The following NUTF2 variants were observed in gnomAD, a reference collection of about 807,000 sequenced individuals.
NUTF2 encodes the protein nuclear transport factor 2.
Under a neutral mutation model 18.5 loss-of-function variants are expected in NUTF2, and 3 were observed. The ratio of observed to expected loss-of-function variants is 0.16; its 90% CI spans 0.07 to 0.42. NUTF2 has a LOEUF of 0.42. Among genes scored for constraint, NUTF2 ranks in the 10% least tolerant of loss-of-function variants. The pLI, the probability that NUTF2 is intolerant of heterozygous loss-of-function variation, is 0.99. For missense variants in NUTF2, 44 were observed against 160.7 expected (o/e 0.27, Z 3.93); for synonymous variants, 51 against 57.9 (o/e 0.88, Z 0.54).
chr16:67,859,795 CTTTTTTTTTTTT>C (rs34914554), intron 1 of NUTF2, among the ~76,000 whole-genome samples: 5 of 45,626 alleles, frequency 1.1e-4, no homozygotes, highest in Admixed American at 3.6e-4. Context: ...TGCGCCAGGC[CTTTTTTTTTTTT>C]TTTTTTTTTT....
chr16:67,855,504 G>C (rs2057889146), intron 1 of NUTF2, among the ~76,000 whole-genome samples: 1 of 152,180 alleles, frequency 6.6e-6, no homozygotes, highest in South Asian at 2.1e-4. Context: ...TGGGGATAGG[G>C]AACCCTTATT....
chr16:67,869,751 C>CT (rs1374986886), intron 4 of NUTF2, among the ~76,000 whole-genome samples: 1 of 152,168 alleles, frequency 6.6e-6, no homozygotes, highest in African/African-American at 2.4e-5. Flanking sequence ...CACCATTGCA[C>CT]TCTAGCCTGG....
intron 1 of NUTF2, among the ~76,000 whole-genome samples, chr16:67,864,441 G>A (rs1295918993): frequency 2.0e-5 from 3 of 151,500 alleles, no homozygotes; most frequent in South Asian, 2.1e-4. Context: ...CCCAGGGAGC[G>A]GAGGTTGCAG....
intron 1 of NUTF2, among the ~76,000 whole-genome samples, chr16:67,848,033 A>G (rs971243918): frequency 6.6e-6 from 1 of 152,142 alleles, no homozygotes; most frequent in Non-Finnish European, 1.5e-5. Context: ...CTTCCCAACA[A>G]CTGGAGCTGC....
intron 4 of NUTF2, 93 bp downstream of exon 4, chr16:67,868,692 G>A: frequency 8.6e-7 from 1 of 1,165,722 alleles, no homozygotes; most frequent in Non-Finnish European, 1.3e-6. Flanking sequence ...TGCTTATCTA[G>A]GGACACCCAG....
chr16:67,865,241 G>C lies in NUTF2; in HGVS notation c.99+12G>C, dbSNP rs748399542. 1.6e-5 allele frequency: 25 copies of C among 1,587,752 alleles called. No homozygotes were observed. The highest frequency in any genetic ancestry group is 2.2e-5 in the Non-Finnish European group (25 of 1,156,288). ...TAGGCGCAATTTACGTAAGTTTCCAGCTCTAGGGCCAGAATGGACCCTAGG... is the reference window on the plus strand; with the variant it reads ...TAGGCGCAATTTACGTAAGTTTCCACCTCTAGGGCCAGAATGGACCCTAGG... On this transcript the variant is annotated intron_variant, in intron 2 of 4. Transcript: ENST00000219169.
intron 1 of NUTF2, among the ~76,000 whole-genome samples, chr16:67,863,594 A>G (rs1174195532): frequency 2.6e-5 from 4 of 152,190 alleles, no homozygotes; most frequent in Non-Finnish European, 5.9e-5. Context: ...CGGCACTGTC[A>G]GGTTGCCATC....
intron 4 of NUTF2, among the ~76,000 whole-genome samples, chr16:67,869,513 C>T (rs755948839): frequency 1.3e-5 from 2 of 151,386 alleles, no homozygotes; most frequent in South Asian, 2.1e-4. Context: ...GGGCTGGGCG[C>T]GGTGGCTCAC....
At chr16:67,855,214 T>C (rs2057887113) in intron 1 of NUTF2, among the ~76,000 whole-genome samples, 1 of 152,180 alleles carries the variant, frequency 6.6e-6, no homozygotes, top group African/African-American at 2.4e-5. Context: ...ACTTAGGTCA[T>C]GTGATATTAT....
At chr16:67,869,524 G>C (rs557294106) in intron 4 of NUTF2, among the ~76,000 whole-genome samples, 1 of 151,038 alleles carries the variant, frequency 6.6e-6, no homozygotes, top group Non-Finnish European at 1.5e-5. Flanking sequence ...GGTGGCTCAC[G>C]CCTGTAATCC....
intron 1 of NUTF2, among the ~76,000 whole-genome samples, chr16:67,850,717 G>A (rs895707566): frequency 1.3e-5 from 2 of 152,130 alleles, no homozygotes; most frequent in Admixed American, 6.5e-5. Flanking sequence ...GGATATTGCC[G>A]CACAAGGATG....
intron 1 of NUTF2, among the ~76,000 whole-genome samples, chr16:67,864,652 A>G (rs1311007902): frequency 1.3e-5 from 2 of 152,138 alleles, no homozygotes; most frequent in Admixed American, 6.6e-5. Context: ...ACACACAGGT[A>G]TCAGTTGTTC....
chr16:67,851,232 C>G (rs2057855082), intron 1 of NUTF2, among the ~76,000 whole-genome samples: 1 of 152,010 alleles, frequency 6.6e-6, no homozygotes, highest in African/African-American at 2.4e-5. Flanking sequence ...CCTGTAATCC[C>G]AGCACTTTGG....
At chr16:67,857,930 T>A (rs1274602677) in intron 1 of NUTF2, among the ~76,000 whole-genome samples, 1 of 152,164 alleles carries the variant, frequency 6.6e-6, no homozygotes, top group Non-Finnish European at 1.5e-5. Context: ...CAGAACTTAC[T>A]CCTCCTCCAG....
At chr16:67,851,093 A>G (rs2057853248) in intron 1 of NUTF2, among the ~76,000 whole-genome samples, 1 of 151,598 alleles carries the variant, frequency 6.6e-6, no homozygotes, top group African/African-American at 2.4e-5. Context: ...GAGCCACCGC[A>G]CCTGGCCGAG....
intron 1 of NUTF2, chr16:67,855,984 C>T (rs2057893889): frequency 4.9e-6 from 6 of 1,229,014 alleles, no homozygotes; most frequent in South Asian, 1.3e-5. Context: ...TTCTTGGTGC[C>T]AGCGGCCTTG....
At chr16:67,848,473 C>T (rs1477704173) in intron 1 of NUTF2, among the ~76,000 whole-genome samples, 3 of 152,176 alleles carry the variant, frequency 2.0e-5, no homozygotes, top group African/African-American at 4.8e-5. Flanking sequence ...ATCCTAGCTA[C>T]TCAGGAGACT....
At chr16:67,858,919 C>G (rs1040850373) in intron 1 of NUTF2, among the ~76,000 whole-genome samples, 33 of 150,002 alleles carry the variant, frequency 2.2e-4, no homozygotes, top group African/African-American at 7.4e-4. Flanking sequence ...GTTGCCCAGT[C>G]TGGACCTCCC....
At chr16:67,849,467 T>G (rs1173901794) in intron 1 of NUTF2, among the ~76,000 whole-genome samples, 14 of 148,264 alleles carry the variant, frequency 9.4e-5, no homozygotes, top group Middle Eastern at 7.7e-3. Flanking sequence ...TCAGCCTCCC[T>G]GGTAGCTGGG....
Sources: allele counts gnomAD v4.1 joint callset (sites outside exome capture counted in the v4.1 genomes callset), GRCh38; gene constraint gnomAD v4.1.1; transcripts MANE v1.5; gene names NCBI Gene and HGNC (gene_info 2026-07-23, HGNC 2026-07-21).